Variants in BANP observed in about 807,000 individuals in gnomAD.
BANP encodes the protein protein BANP.
Under a neutral mutation model 68.1 loss-of-function variants are expected in BANP, and 11 were observed. That is an observed-to-expected ratio of 0.16 (90% CI 0.10 to 0.27). BANP has a LOEUF of 0.27. Ranked by LOEUF, BANP falls within the 10% of genes least tolerant of loss-of-function variation. The pLI, the probability that BANP is intolerant of heterozygous loss-of-function variation, is 1.00. For missense variants in BANP, 504 were observed against 722.7 expected, an observed-to-expected ratio of 0.70 and a Z score of 3.47; for synonymous variants, 329 against 303.2, an observed-to-expected ratio of 1.09 and a Z score of -0.88.
intron 11 of BANP, among the ~76,000 whole-genome samples, chr16:88,052,079 A>G (rs1377754445): frequency 1.3e-5 from 2 of 152,174 alleles, no homozygotes; most frequent in Non-Finnish European, 2.9e-5. Context: ...GGCACTCTTA[A>G]CAGCCAAGGA....
At chr16:88,029,391 T>C (rs762477879) in intron 8 of BANP, among the ~76,000 whole-genome samples, 13 of 149,316 alleles carry the variant, frequency 8.7e-5, no homozygotes, top group Non-Finnish European at 1.3e-4. Context: ...GGGCAGATCA[T>C]GAGGTCAGGA....
chr16:87,980,830 C>T (rs2063116979), intron 2 of BANP: 1 of 546,724 alleles, frequency 1.8e-6, no homozygotes, highest in Non-Finnish European at 3.3e-6. Context: ...ACATTAATTG[C>T]CCAGTGTCTG....
chr16:88,014,731 T>C (rs1210842093), intron 6 of BANP, among the ~76,000 whole-genome samples: 1 of 151,940 alleles, frequency 6.6e-6, no homozygotes, highest in Non-Finnish European at 1.5e-5. Context: ...GGGTGGGTGA[T>C]GGTCGGGGAG....
intron 11 of BANP, among the ~76,000 whole-genome samples, chr16:88,045,891 C>T (rs1454926748): frequency 6.6e-6 from 1 of 152,190 alleles, no homozygotes; most frequent in African/African-American, 2.4e-5. Flanking sequence ...TACTTCAGTG[C>T]CCTCTTCACT....
At chr16:88,068,144 C>T (rs1599092158) in intron 12 of BANP, among the ~76,000 whole-genome samples, 3 of 152,238 alleles carry the variant, frequency 2.0e-5, no homozygotes, top group Middle Eastern at 6.8e-3. Flanking sequence ...AAGCGTCGTG[C>T]ACTCGTCCCA....
intron 11 of BANP, among the ~76,000 whole-genome samples, chr16:88,060,293 C>A (rs532705557): frequency 1.2e-3 from 188 of 152,364 alleles, no homozygotes; most frequent in African/African-American, 4.0e-3. Context: ...CTGGGTCTCC[C>A]CAGCCTGGCC....
intron 11 of BANP, among the ~76,000 whole-genome samples, chr16:88,045,393 G>A (rs2081765246): frequency 6.6e-6 from 1 of 152,248 alleles, no homozygotes; most frequent in South Asian, 2.1e-4. Flanking sequence ...GTTTCTTGCA[G>A]GAGAGGCCGG....
At chr16:88,044,219 C>CT (rs1274316652) in intron 11 of BANP, among the ~76,000 whole-genome samples, 3 of 152,240 alleles carry the variant, frequency 2.0e-5, no homozygotes, top group African/African-American at 7.2e-5. Flanking sequence ...TGGCTGGACT[C>CT]TACCAGCATC....
At chr16:88,072,415 C>G (rs2090578618) in intron 13 of BANP, among the ~76,000 whole-genome samples, 1 of 152,266 alleles carries the variant, frequency 6.6e-6, no homozygotes, top group Non-Finnish European at 1.5e-5. Context: ...GCCCCAGTTC[C>G]AAATTCCAAC....
chr16:88,068,518 C>T (rs748554038), intron 12 of BANP, among the ~76,000 whole-genome samples: 2 of 152,164 alleles, frequency 1.3e-5, no homozygotes, highest in Non-Finnish European at 2.9e-5. Flanking sequence ...ATATTTTTCC[C>T]GGAACTTTCT....
At chr16:88,060,240 G>A (rs894891332) in intron 11 of BANP, among the ~76,000 whole-genome samples, 4 of 152,248 alleles carry the variant, frequency 2.6e-5, no homozygotes, top group Admixed American at 2.0e-4. Context: ...AGAGACCGCC[G>A]TGCGTTGCCC....
chr16:87,959,942 C>G (rs557543910), intron 1 of BANP: 1 of 152,758 alleles, frequency 6.5e-6, no homozygotes, highest in Admixed American at 6.5e-5. Flanking sequence ...ATGGCTGATC[C>G]GAGTGACCAT....
Position 88,022,621 on chromosome 16 carries a change from C to T in BANP, c.895+3954C>T, listed in dbSNP as rs190387145. Among the ~76,000 whole-genome samples the T allele has an allele frequency of 1.9e-3, 293 of 152,262 alleles. 3 individuals carry two copies. In the South Asian group the frequency reaches 0.028, roughly 15 times the overall value. On this transcript the variant is annotated intron_variant, in intron 7 of 13. Coordinates refer to ENST00000682872, the MANE Select transcript of BANP (RefSeq NM_001386991.1). Reference sequence around the variant, plus strand: ...GCAGGGTGCCTCAGGTTCCTGTGGCCGCGGGGACAAAGCTCACAGCCTGGC... The same window carrying T: ...GCAGGGTGCCTCAGGTTCCTGTGGCTGCGGGGACAAAGCTCACAGCCTGGC...
Position 87,969,416 on chromosome 16 carries a change from C to T in BANP, c.-68-5632C>T, listed in dbSNP as rs1341413367. Among the ~76,000 whole-genome samples, 27 of 152,092 alleles carry T rather than the reference C, an allele frequency of 1.8e-4. 1 individual carries two copies. Among genetic ancestry groups the T allele is most frequent in the Admixed American group, 1.8e-3 (27 of 15,274 alleles). On this transcript the variant is annotated intron_variant, in intron 1 of 13. Coordinates refer to ENST00000682872, the MANE Select transcript of BANP (RefSeq NM_001386991.1). ...TACACCCCCAGCAAAAGCGCAACAG[C>T]CATGTTTTCTGATATCTTCTGGCGA...
Position 88,004,380 on chromosome 16 carries a change from G to A in BANP, c.448G>A (p.Ala150Thr). The change falls in exon 5 of 14, where the codon GCA becomes ACA. Residue 150 changes from alanine (A) to threonine (T), a missense_variant. Physicochemically the swap from Ala to Thr is moderately conservative, Grantham distance 58 (BLOSUM62 0). This residue lies in a region of BANP where 238 missense variants were observed against 278.9 expected (regional missense o/e 0.85). Coordinates refer to ENST00000682872, the MANE Select transcript of BANP (RefSeq NM_001386991.1). This position sits in a 1 kb window ranked among gnomAD's most constrained non-coding sequence, Gnocchi z 7.0. ...AKMEDPLSNRAPDSLENVISN... is the reference protein window; with the variant it reads ...AKMEDPLSNRTPDSLENVISN... ...GATGGAAGACCCCTTGAGCAACAGGGCACCGGATTCCCTGGAAAATGTCAT... is the reference window on the plus strand; with the variant it reads ...GATGGAAGACCCCTTGAGCAACAGGACACCGGATTCCCTGGAAAATGTCAT... 1 of 1,545,080 alleles carries A rather than the reference G, an allele frequency of 6.5e-7. No individual in the cohort carries two copies. Among genetic ancestry groups the A allele is most frequent in the Non-Finnish European group, 8.8e-7 (1 of 1,142,658 alleles).
At chr16:88,016,042 C>A (rs2074478393) in intron 6 of BANP, among the ~76,000 whole-genome samples, 1 of 152,244 alleles carries the variant, frequency 6.6e-6, no homozygotes, top group South Asian at 2.1e-4. Flanking sequence ...TGCTTGCCAG[C>A]CACCAGGGGC....
chr16:88,024,160 G>C (rs535313144), intron 7 of BANP, among the ~76,000 whole-genome samples: 1 of 152,304 alleles, frequency 6.6e-6, no homozygotes, highest in East Asian at 1.9e-4. Context: ...GCAGAGTCAC[G>C]TGTGCGGGGC....
intron 11 of BANP, among the ~76,000 whole-genome samples, chr16:88,063,462 A>C (rs117108847): frequency 0.011 from 1,720 of 152,302 alleles, 17 homozygotes; most frequent in Non-Finnish European, 0.017. Flanking sequence ...GAAACAATCC[A>C]CCAGGTCCAT....
chr16:88,069,113 T>C (rs916460015), intron 12 of BANP, among the ~76,000 whole-genome samples: 2 of 152,194 alleles, frequency 1.3e-5, no homozygotes, highest in Non-Finnish European at 2.9e-5. Flanking sequence ...CTCAGTGTTC[T>C]CATCGTCAGG....
Sources: allele counts gnomAD v4.1 joint callset (sites outside exome capture counted in the v4.1 genomes callset), GRCh38; gene constraint gnomAD v4.1.1; regional missense constraint gnomAD v4.1.1; non-coding constraint Gnocchi (gnomAD v3.1); transcripts MANE v1.5; gene names NCBI Gene and HGNC (gene_info 2026-07-23, HGNC 2026-07-21).